Variants in PIP5K1B observed in about 807,000 individuals in gnomAD.
The protein encoded by PIP5K1B is phosphatidylinositol-4-phosphate 5-kinase type 1 beta.
Under a neutral mutation model 67.0 loss-of-function variants are expected in PIP5K1B, and 42 were observed. The observed-to-expected ratio is 0.63, with a 90% CI of 0.49 to 0.81. The LOEUF (loss-of-function observed/expected upper bound fraction) is 0.81, where lower values mean the gene tolerates loss of function less well. Ranked by LOEUF, PIP5K1B falls within the 30% of genes least tolerant of loss-of-function variation. PIP5K1B has a pLI of 0.00. For missense variants in PIP5K1B, 459 were observed against 646.3 expected, an observed-to-expected ratio of 0.71 and a Z score of 3.14; for synonymous variants, 214 against 231.4, an observed-to-expected ratio of 0.92 and a Z score of 0.68.
At chr9:68,842,658 T>C (rs1333287734) in intron 4 of PIP5K1B, among the ~76,000 whole-genome samples, 4 of 152,214 alleles carry the variant, frequency 2.6e-5, no homozygotes, top group Non-Finnish European at 4.4e-5. Flanking sequence ...AGGGCATTTA[T>C]TACTGTCTGC....
chr9:68,762,217 T>C (rs1587404161), intron 2 of PIP5K1B, among the ~76,000 whole-genome samples: 2 of 152,184 alleles, frequency 1.3e-5, no homozygotes, highest in South Asian at 2.1e-4. Context: ...TTAAAAGAAA[T>C]AAAATGCATT....
At chr9:68,976,559 C>T (rs1190791297) in intron 14 of PIP5K1B, among the ~76,000 whole-genome samples, 1 of 152,230 alleles carries the variant, frequency 6.6e-6, no homozygotes. Context: ...GCCACAGGGG[C>T]CATCGGTGCC....
intron 14 of PIP5K1B, among the ~76,000 whole-genome samples, chr9:68,966,957 C>T (rs1046435682): frequency 3.9e-5 from 6 of 152,120 alleles, no homozygotes; most frequent in Admixed American, 3.9e-4. Context: ...TACCATGGGT[C>T]TTTTTGCAGC....
chr9:68,932,917 A>G (rs1336879093), intron 12 of PIP5K1B, among the ~76,000 whole-genome samples: 1 of 152,126 alleles, frequency 6.6e-6, no homozygotes, highest in Admixed American at 6.5e-5. Flanking sequence ...CCTGACCAAC[A>G]TGGAGAAACC....
At chr9:68,977,651 GCTT>G (rs1401536039) in intron 14 of PIP5K1B, among the ~76,000 whole-genome samples, 1 of 149,820 alleles carries the variant, frequency 6.7e-6, no homozygotes, top group Non-Finnish European at 1.5e-5. Flanking sequence ...ATAATTATTG[GCTT>G]CTTTTTTTTT....
At chr9:68,824,453 T>G (rs926786008) in intron 4 of PIP5K1B, among the ~76,000 whole-genome samples, 11 of 152,170 alleles carry the variant, frequency 7.2e-5, no homozygotes, top group Admixed American at 2.6e-4. Context: ...TTTTTTAGGT[T>G]GTAAAAACTA....
intron 4 of PIP5K1B, among the ~76,000 whole-genome samples, chr9:68,863,146 C>T (rs1394739051): frequency 6.6e-6 from 1 of 152,122 alleles, no homozygotes; most frequent in Non-Finnish European, 1.5e-5. Context: ...TCCCTGGCCT[C>T]TACCCACTAG....
At chr9:68,937,783 C>T (rs1435650866) in intron 13 of PIP5K1B, among the ~76,000 whole-genome samples, 1 of 152,070 alleles carries the variant, frequency 6.6e-6, no homozygotes, top group African/African-American at 2.4e-5. Context: ...TACATGTGTC[C>T]CAGAGACTCT....
intron 9 of PIP5K1B, among the ~76,000 whole-genome samples, chr9:68,918,074 T>A (rs534308776): frequency 1.3e-5 from 2 of 151,028 alleles, no homozygotes; most frequent in Non-Finnish European, 2.9e-5. Context: ...TGAATAAACA[T>A]GTTTTATTGT....
chr9:68,748,726 A>G (rs1254479255), intron 2 of PIP5K1B, among the ~76,000 whole-genome samples: 1 of 146,716 alleles, frequency 6.8e-6, no homozygotes. Context: ...GGTTCAAGCG[A>G]TTCTCCTGCC....
At chr9:68,911,632 T>G (rs1825857504) in intron 8 of PIP5K1B, among the ~76,000 whole-genome samples, 1 of 152,126 alleles carries the variant, frequency 6.6e-6, no homozygotes, top group Non-Finnish European at 1.5e-5. Flanking sequence ...GGCTCATGCC[T>G]GTAATCCCAG....
intron 4 of PIP5K1B, among the ~76,000 whole-genome samples, chr9:68,841,834 A>G (rs1821936553): frequency 6.6e-6 from 1 of 152,244 alleles, no homozygotes; most frequent in South Asian, 2.1e-4. Flanking sequence ...GGGTGGGTGG[A>G]AGTGGCATTT....
chr9:68,928,538 A>G lies in PIP5K1B; in HGVS notation c.1201+5152A>G, dbSNP rs78815936. Among the ~76,000 whole-genome samples, 64 of 152,020 alleles carry G rather than the reference A, an allele frequency of 4.2e-4. 1 individual carries two copies. Among genetic ancestry groups the G allele is most frequent in the African/African-American group, 1.4e-3 (59 of 41,450 alleles). ...TGTTGTTTATGTTTTCTTTTCTTTA[A>G]TCTATGTTGTATTCATTTTGGTGTA... On this transcript the variant is annotated intron_variant, in intron 12 of 15. Coordinates refer to ENST00000265382, the MANE Select transcript of PIP5K1B (RefSeq NM_003558.4).
intron 4 of PIP5K1B, among the ~76,000 whole-genome samples, chr9:68,838,874 A>G (rs1308273567): frequency 2.0e-5 from 3 of 152,248 alleles, no homozygotes; most frequent in African/African-American, 7.2e-5. Context: ...GAGATACTCC[A>G]AGTACTAGCA....
chr9:68,861,287 A>AT (rs11427395), intron 4 of PIP5K1B, among the ~76,000 whole-genome samples: 109,565 of 151,978 alleles, frequency 0.72, 40,026 homozygotes, highest in Admixed American at 0.8. Context: ...GAGGAGAAAG[A>AT]TTTTTTCTTA....
At chr9:68,734,598 T>C (rs1392961972) in intron 1 of PIP5K1B, among the ~76,000 whole-genome samples, 1 of 152,198 alleles carries the variant, frequency 6.6e-6, no homozygotes, top group Non-Finnish European at 1.5e-5. Context: ...TCTCTACTTA[T>C]TTTTCCTCTA....
At chr9:68,775,345 AC>A (rs1281661237) in intron 2 of PIP5K1B, among the ~76,000 whole-genome samples, 2 of 151,952 alleles carry the variant, frequency 1.3e-5, no homozygotes, top group Non-Finnish European at 2.9e-5. Flanking sequence ...ATTTTTTTTC[AC>A]CTTTTCACTT....
At chr9:68,811,386 G>T (rs759897373) in intron 2 of PIP5K1B, among the ~76,000 whole-genome samples, 1 of 152,078 alleles carries the variant, frequency 6.6e-6, no homozygotes, top group Non-Finnish European at 1.5e-5. Context: ...GCTTCCTATG[G>T]GCTCAGATGC....
chr9:68,833,472 A>G (rs774677775), intron 4 of PIP5K1B, among the ~76,000 whole-genome samples: 3 of 152,210 alleles, frequency 2.0e-5, no homozygotes, highest in Admixed American at 6.5e-5. Context: ...GCGGTTCCCA[A>G]TGGGGGCAGA....
Sources: gnomAD v4.1 joint callset for allele counts (sites outside exome capture counted in the v4.1 genomes callset) on GRCh38, gnomAD v4.1.1 for gene constraint, MANE v1.5 for transcripts, NCBI Gene and HGNC (gene_info 2026-07-23, HGNC 2026-07-21) for gene names.